The following UTRN variants were observed in gnomAD, a reference collection of about 807,000 sequenced individuals.
UTRN encodes dystrophin-related protein 1.
UTRN carries 283 observed loss-of-function variants against 463.9 expected under a neutral mutation model. The ratio of observed to expected loss-of-function variants is 0.61; its 90% CI spans 0.55 to 0.67. The LOEUF is 0.67. Among genes scored for constraint, UTRN ranks in the 30% least tolerant of loss-of-function variants. The pLI is 0.00. For synonymous variants in UTRN, 1,442 were observed against 1,431.5 expected (o/e 1.01, Z -0.17); for missense variants, 3,922 against 4,084.3 (o/e 0.96, Z 1.08).
At chr6:144,752,015 C>G in intron 56 of UTRN, 63 bp downstream of exon 56, 5 of 1,438,188 alleles carry the variant, frequency 3.5e-6, no homozygotes, top group Non-Finnish European at 4.6e-6. Context: ...AACCCTACCT[C>G]ACTATATTAC....
chr6:144,666,186 C>A (rs9390187), intron 51 of UTRN, among the ~76,000 whole-genome samples: 18,641 of 152,146 alleles, frequency 0.12, 1,668 homozygotes, highest in East Asian at 0.51. Context: ...GATCTGACAG[C>A]CTCCCATGCT....
At chr6:144,580,526 A>G (rs1448403943) in intron 51 of UTRN, among the ~76,000 whole-genome samples, 1 of 152,182 alleles carries the variant, frequency 6.6e-6, no homozygotes, top group African/African-American at 2.4e-5. Flanking sequence ...GATACATGCC[A>G]TTCTTTTAAG....
At chr6:144,617,553 C>T (rs1428980988) in intron 51 of UTRN, among the ~76,000 whole-genome samples, 1 of 152,142 alleles carries the variant, frequency 6.6e-6, no homozygotes, top group African/African-American at 2.4e-5. Flanking sequence ...TTTATGTTTG[C>T]TTTGAACATC....
chr6:144,718,309 A>T (rs531845413), intron 53 of UTRN, among the ~76,000 whole-genome samples: 10 of 151,774 alleles, frequency 6.6e-5, no homozygotes, highest in East Asian at 3.9e-4. Context: ...GTCCCTATTT[A>T]AAAAAAAATT....
intron 33 of UTRN, among the ~76,000 whole-genome samples, chr6:144,497,962 C>A (rs1043126622): frequency 9.2e-5 from 14 of 152,176 alleles, no homozygotes; most frequent in African/African-American, 3.4e-4. Context: ...AGTAAGAAAT[C>A]TCAGGAAGAT....
At chr6:144,470,237 C>T (rs1251305203) in intron 23 of UTRN, among the ~76,000 whole-genome samples, 10 of 152,292 alleles carry the variant, frequency 6.6e-5, no homozygotes, top group East Asian at 5.8e-4. Flanking sequence ...GACGGGGTGG[C>T]GGCCGGGCAG....
chr6:144,819,815 T>C (rs760126690), intron 65 of UTRN, among the ~76,000 whole-genome samples: 2 of 152,024 alleles, frequency 1.3e-5, no homozygotes, highest in Non-Finnish European at 2.9e-5. Context: ...AATATACTTA[T>C]CATTCAGTGT....
At position 144,487,620 on chromosome 6, in the gene UTRN, G is replaced by A. The variant is rs754254068; in HGVS notation, c.3895G>A (p.Asp1299Asn). The change falls in exon 29 of 75, where the codon GAT (aspartate) becomes AAT (asparagine). Residue 1299 changes from aspartate to asparagine, a missense_variant. Coordinates refer to ENST00000367545, the MANE Select transcript of UTRN (RefSeq NM_007124.3). ...TCGAGAGCTTGGCCAGACTCTGATT[G>A]ATGGGGGGATCCTGGATGATATAAT... ...QIRELGQTLI[D>N]GGILDDIISE... The A allele has an allele frequency of 3.7e-6, 6 of 1,613,680 alleles. No homozygotes were observed. Among genetic ancestry groups the A allele is most frequent in the Non-Finnish European group, 5.1e-6 (6 of 1,179,780 alleles).
At chr6:144,305,645 G>T (rs1342169777) in intron 2 of UTRN, among the ~76,000 whole-genome samples, 3 of 152,232 alleles carry the variant, frequency 2.0e-5, no homozygotes, top group Non-Finnish European at 2.9e-5. Context: ...AGTTACAGCA[G>T]GGCCACCATT....
intron 58 of UTRN, among the ~76,000 whole-genome samples, chr6:144,767,688 T>G (rs1167665654): frequency 1.3e-5 from 2 of 152,208 alleles, no homozygotes; most frequent in African/African-American, 4.8e-5. Context: ...AAATAGCATG[T>G]TATTACTGTG....
At chr6:144,836,004 CA>C in intron 70 of UTRN, 66 bp downstream of exon 70, 1 of 1,565,624 alleles carries the variant, frequency 6.4e-7, no homozygotes, top group Non-Finnish European at 8.6e-7. Flanking sequence ...CTGTAGCCCC[CA>C]TTTATTCTCT....
chr6:144,459,297 G>A lies in UTRN; in HGVS notation c.2650G>A (p.Gly884Ser). 1 of 1,614,010 alleles carries A rather than the reference G, an allele frequency of 6.2e-7. No individual in the cohort carries two copies. The highest frequency in any genetic ancestry group is 8.5e-7 in the Non-Finnish European group (1 of 1,179,992). Residue 884 changes from glycine (G) to serine (S), a missense_variant, in exon 21 of 75, where the codon GGC (glycine) becomes AGC (serine). Around this residue, in one of 3 missense-constraint regions of UTRN, gnomAD observed 2,349 missense variants for 2,303.8 expected, o/e 1.02. Transcript: ENST00000367545. ...CCAGCGGGGCTTCGATAGCTTTCTG[G>A]GCCGCTACCAAGCTGTACAAGAGGC... ...FVQRGFDSFL[G>S]RYQAVQEAVE...
At chr6:144,363,368 G>A (rs1411678386) in intron 2 of UTRN, among the ~76,000 whole-genome samples, 1 of 152,194 alleles carries the variant, frequency 6.6e-6, no homozygotes, top group Non-Finnish European at 1.5e-5. Flanking sequence ...GACGCACAGA[G>A]AGCTTGGTTT....
At chr6:144,762,362 A>G (rs186956393) in intron 58 of UTRN, among the ~76,000 whole-genome samples, 2 of 152,304 alleles carry the variant, frequency 1.3e-5, no homozygotes, top group Admixed American at 6.5e-5. Flanking sequence ...ATATTTAGGA[A>G]GGAGGATAGT....
intron 7 of UTRN, among the ~76,000 whole-genome samples, chr6:144,426,977 T>C (rs9496969): frequency 0.053 from 8,035 of 152,284 alleles, 665 homozygotes; most frequent in African/African-American, 0.18. Flanking sequence ...TATGAAGCTA[T>C]ATTAATTAAG....
chr6:144,577,050 T>C, intron 50 of UTRN, 49 bp from the exon 51 acceptor site: 1 of 1,574,430 alleles, frequency 6.4e-7, no homozygotes, highest in Non-Finnish European at 8.7e-7. Context: ...ATGTGGAATG[T>C]CACAACACTG....
chr6:144,384,714 C>A (rs911321863), intron 2 of UTRN, among the ~76,000 whole-genome samples: 5 of 152,134 alleles, frequency 3.3e-5, no homozygotes, highest in African/African-American at 1.2e-4. Flanking sequence ...CATGTTCATC[C>A]ATGTTGTAGC....
At chr6:144,623,640 T>C (rs1775661487) in intron 51 of UTRN, among the ~76,000 whole-genome samples, 2 of 152,250 alleles carry the variant, frequency 1.3e-5, no homozygotes. Flanking sequence ...TGTAAAAATG[T>C]CTTAGAGCTT....
chr6:144,555,161 AAG>A (rs1203246307), intron 49 of UTRN, among the ~76,000 whole-genome samples: 1 of 152,188 alleles, frequency 6.6e-6, no homozygotes, highest in Non-Finnish European at 1.5e-5. Flanking sequence ...AGCATCTAGA[AAG>A]AGAACACTTT....
Sources: gnomAD v4.1 joint callset for allele counts (sites outside exome capture counted in the v4.1 genomes callset) on GRCh38, gnomAD v4.1.1 for gene constraint, gnomAD v4.1.1 regional missense constraint, MANE v1.5 for transcripts, NCBI Gene and HGNC (gene_info 2026-07-23, HGNC 2026-07-21) for gene names.